SND1: variants seen among roughly 807,000 people sequenced by gnomAD.
The protein encoded by SND1 is staphylococcal nuclease and tudor domain containing 1.
A neutral mutation model predicts 121.7 loss-of-function variants in SND1; 38 were observed. The ratio of observed to expected loss-of-function variants is 0.31; its 90% confidence interval spans 0.24 to 0.41. The LOEUF is 0.41. Among genes scored for constraint, SND1 ranks in the 10% least tolerant of loss-of-function variants. SND1 has a pLI of 1.00. For synonymous variants in SND1, 401 were observed against 447.4 expected (o/e 0.90, Z 1.31); for missense variants, 868 against 1,184.6 (o/e 0.73, Z 3.92).
chr7:127,744,331 T>C (rs1796939321), intron 10 of SND1, among the ~76,000 whole-genome samples: 1 of 152,208 alleles, frequency 6.6e-6, no homozygotes, highest in South Asian at 2.1e-4. Flanking sequence ...CCTGCTTATG[T>C]ATACTTCCCT....
At chr7:127,975,405 AAGAG>A (rs942052296) in intron 15 of SND1, among the ~76,000 whole-genome samples, 3 of 131,004 alleles carry the variant, frequency 2.3e-5, no homozygotes, top group African/African-American at 6.2e-5. Context: ...GTGTGTGTGT[AAGAG>A]AGATTGACTC....
intron 12 of SND1, among the ~76,000 whole-genome samples, chr7:127,871,890 G>A (rs551606636): frequency 3.9e-5 from 6 of 152,224 alleles, no homozygotes; most frequent in Non-Finnish European, 8.8e-5. Context: ...CAACACTTTG[G>A]GAGGCCGAGG....
Position 128,029,036 on chromosome 7 carries a change from T to C in SND1, c.1779+37980T>C. 6.2e-7 allele frequency: 1 copy of C among 1,614,020 alleles called. No homozygotes were observed. Among genetic ancestry groups the C allele is most frequent in the Non-Finnish European group, 8.5e-7 (1 of 1,179,986 alleles). ...ACATGGCGGCAGCTAGCAGAGTCACTGCCACAAAGCAGCCAATGATGATCT... is the reference window on the plus strand; with the variant it reads ...ACATGGCGGCAGCTAGCAGAGTCACCGCCACAAAGCAGCCAATGATGATCT... On this transcript the variant is annotated intron_variant, in intron 16 of 23. Coordinates refer to ENST00000354725, the MANE Select transcript of SND1 (RefSeq NM_014390.4). This position sits in a 1 kb window ranked among gnomAD's most constrained non-coding sequence, Gnocchi z 4.2.
intron 15 of SND1, among the ~76,000 whole-genome samples, chr7:127,934,480 A>G (rs111885406): frequency 1.5e-3 from 223 of 152,260 alleles, no homozygotes; most frequent in African/African-American, 4.7e-3. Context: ...GAGGCGCAAG[A>G]ATCTGGGAGA....
intron 16 of SND1, among the ~76,000 whole-genome samples, chr7:128,036,298 G>C (rs1285454776): frequency 6.6e-6 from 1 of 152,196 alleles, no homozygotes; most frequent in African/African-American, 2.4e-5. Context: ...AGTAAAATCA[G>C]AATTGCAAAG....
At chr7:127,798,185 T>A (rs372059064) in intron 10 of SND1, among the ~76,000 whole-genome samples, 1 of 152,198 alleles carries the variant, frequency 6.6e-6, no homozygotes, top group East Asian at 1.9e-4. Flanking sequence ...CGCCTAAATT[T>A]GCTTTACTTC....
At chr7:127,888,059 T>C in intron 13 of SND1, 47 bp downstream of exon 13, 1 of 1,362,988 alleles carries the variant, frequency 7.3e-7, no homozygotes. Flanking sequence ...CACCCTCACT[T>C]TTTTCTTTCC....
chr7:127,979,172 A>C (rs138487258), intron 15 of SND1, among the ~76,000 whole-genome samples: 48 of 152,364 alleles, frequency 3.2e-4, no homozygotes, highest in Non-Finnish European at 4.0e-4. Context: ...ACATGTGGCC[A>C]TGTTCTAATA....
intron 20 of SND1, chr7:128,086,705 C>A (rs1274264177): frequency 5.1e-6 from 3 of 589,384 alleles, no homozygotes; most frequent in Non-Finnish European, 9.1e-6. Flanking sequence ...ACTAGGTGTG[C>A]CAGCACCAGG....
intron 2 of SND1, 79 bp from the exon 3 acceptor site, chr7:127,694,749 A>G: frequency 2.6e-6 from 4 of 1,540,942 alleles, no homozygotes; most frequent in Non-Finnish European, 3.6e-6. Context: ...ACATTTACTG[A>G]AGGTATGAAG....
intron 10 of SND1, among the ~76,000 whole-genome samples, chr7:127,775,903 C>T (rs1180844818): frequency 1.3e-5 from 2 of 152,210 alleles, no homozygotes; most frequent in African/African-American, 4.8e-5. Context: ...GCCATTCAAA[C>T]CTATGTTCAC....
chr7:127,766,644 G>A (rs1459011390), intron 10 of SND1, among the ~76,000 whole-genome samples: 22 of 151,304 alleles, frequency 1.5e-4, no homozygotes, highest in African/African-American at 2.4e-4. Context: ...GCGTGGTGGC[G>A]GGCACCTGTA....
intron 10 of SND1, among the ~76,000 whole-genome samples, chr7:127,789,141 C>T (rs891095786): frequency 6.6e-6 from 1 of 152,226 alleles, no homozygotes; most frequent in African/African-American, 2.4e-5. Context: ...CTATCTACCC[C>T]TCCACCCTGC....
At chr7:128,028,908 G>C in intron 16 of SND1, 1 of 1,613,244 alleles carries the variant, frequency 6.2e-7, no homozygotes, top group Non-Finnish European at 8.5e-7. Context: ...TGCGGATGTT[G>C]CTGCTGGGAT....
intron 20 of SND1, among the ~76,000 whole-genome samples, chr7:128,086,084 A>G (rs1472207840): frequency 6.6e-6 from 1 of 152,222 alleles, no homozygotes; most frequent in Non-Finnish European, 1.5e-5. Context: ...TCTGTAGCAC[A>G]TGGAGGGCCT....
At position 128,052,105 on chromosome 7, in the gene SND1, G is replaced by A. The variant is rs543468370; in HGVS notation, c.1780-22397G>A. Among the ~76,000 whole-genome samples, 1 of 152,256 alleles carries A rather than the reference G, an allele frequency of 6.6e-6. No homozygotes were observed. Among genetic ancestry groups the A allele is most frequent in the African/African-American group, 2.4e-5 (1 of 41,542 alleles). On this transcript the variant is annotated intron_variant, in intron 16 of 23. Coordinates refer to ENST00000354725, the MANE Select transcript of SND1 (RefSeq NM_014390.4). The surrounding 1 kb of genome is among the most constrained non-coding windows in gnomAD (Gnocchi z 4.6). ...AGGTGTAAGGATGACATTTGCTTTG[G>A]GGAGGAAGCATTGGGACAGATGACC...
intron 10 of SND1, among the ~76,000 whole-genome samples, chr7:127,770,001 A>G (rs1178820446): frequency 1.3e-5 from 2 of 152,250 alleles, no homozygotes; most frequent in East Asian, 1.9e-4. Context: ...CATGTGAGGT[A>G]TCCTTCTGAA....
At chr7:127,770,986 T>G (rs186140711) in intron 10 of SND1, among the ~76,000 whole-genome samples, 1 of 152,192 alleles carries the variant, frequency 6.6e-6, no homozygotes, top group African/African-American at 2.4e-5. Context: ...TACACTGATA[T>G]CTCGTTGGCT....
At chr7:127,821,886 C>T (rs775876829) in intron 11 of SND1, among the ~76,000 whole-genome samples, 1 of 152,126 alleles carries the variant, frequency 6.6e-6, no homozygotes, top group Admixed American at 6.5e-5. Flanking sequence ...ATTATGGAAA[C>T]AGGTTATTTT....
Sources: allele counts gnomAD v4.1 joint callset (sites outside exome capture counted in the v4.1 genomes callset), GRCh38; gene constraint gnomAD v4.1.1; non-coding constraint Gnocchi (gnomAD v3.1); transcripts MANE v1.5; gene names NCBI Gene and HGNC (gene_info 2026-07-23, HGNC 2026-07-21).